Variants in ATP8A2 observed in about 807,000 individuals in gnomAD.
The protein encoded by ATP8A2 is ATPase phospholipid transporting 8A2, also known as phospholipid-transporting ATPase IB.
Under a neutral mutation model 165.6 loss-of-function variants are expected in ATP8A2, and 100 were observed. That is an observed-to-expected ratio of 0.60 (90% CI 0.51 to 0.71). The LOEUF (loss-of-function observed/expected upper bound fraction) is 0.71. Ranked by LOEUF, ATP8A2 falls within the 30% of genes least tolerant of loss-of-function variation. ATP8A2 has a pLI of 0.00. For synonymous variants in ATP8A2, 543 were observed against 548.8 expected (o/e 0.99, Z 0.15); for missense variants, 1,227 against 1,479.5 (o/e 0.83, Z 2.80).
intron 27 of ATP8A2, 126 bp from the exon 28 acceptor site, chr13:25,827,992 C>A (rs1025397772): frequency 1.4e-6 from 1 of 736,798 alleles, no homozygotes; most frequent in South Asian, 1.6e-5. Context: ...TGCTGCAGTC[C>A]CTGTGGCTCA....
At chr13:25,927,220 CT>C in intron 33 of ATP8A2, 1 of 456,754 alleles carries the variant, frequency 2.2e-6, no homozygotes, top group South Asian at 1.5e-5. Flanking sequence ...TCCTCGGCTG[CT>C]CCACACACTG....
intron 35 of ATP8A2, among the ~76,000 whole-genome samples, chr13:26,004,000 G>C (rs1956689147): frequency 6.6e-6 from 1 of 152,066 alleles, no homozygotes; most frequent in African/African-American, 2.4e-5. Context: ...TGGCTATTGA[G>C]GGTCTTTTGT....
rs1951089571 is a variant in ATP8A2 at position 25,818,807 on chromosome 13, G to T, written c.2680-9311G>T. ...CTACTGTGTGCCCACCTGTGTGCTAGATCCTAGGTGTACGATATTGAGTGG... is the reference window on the plus strand; with the variant it reads ...CTACTGTGTGCCCACCTGTGTGCTATATCCTAGGTGTACGATATTGAGTGG... On this transcript the variant is annotated intron_variant, in intron 27 of 36. Coordinates refer to ENST00000381655, the MANE Select transcript of ATP8A2 (RefSeq NM_016529.6). Among the ~76,000 whole-genome samples, 3 of 152,148 alleles carry T rather than the reference G, an allele frequency of 2.0e-5. No homozygotes were observed. The South Asian group carries it at 6.2e-4, about 31-fold the overall frequency.
At chr13:25,666,736 A>G (rs541161262) in intron 24 of ATP8A2, among the ~76,000 whole-genome samples, 1 of 152,110 alleles carries the variant, frequency 6.6e-6, no homozygotes, top group Non-Finnish European at 1.5e-5. Context: ...CTGTATATAC[A>G]TTTAACTTTG....
intron 24 of ATP8A2, among the ~76,000 whole-genome samples, chr13:25,694,387 C>G (rs576551550): frequency 6.6e-6 from 1 of 152,338 alleles, no homozygotes; most frequent in Non-Finnish European, 1.5e-5. Flanking sequence ...GATGCTCTCC[C>G]TGGGCCAAAT....
chr13:25,623,769 A>T (rs2041032837), intron 24 of ATP8A2, among the ~76,000 whole-genome samples: 1 of 152,110 alleles, frequency 6.6e-6, no homozygotes, highest in Admixed American at 6.6e-5. Context: ...GTATACGTGT[A>T]TATATACACA....
At chr13:25,597,430 A>G (rs948918128) in intron 24 of ATP8A2, among the ~76,000 whole-genome samples, 3 of 152,224 alleles carry the variant, frequency 2.0e-5, no homozygotes, top group African/African-American at 7.2e-5. Context: ...GGAGTGAGAG[A>G]CTTTTCTCCA....
At chr13:25,744,365 G>A (rs1443795509) in intron 25 of ATP8A2, among the ~76,000 whole-genome samples, 2 of 151,816 alleles carry the variant, frequency 1.3e-5, no homozygotes, top group African/African-American at 2.4e-5. Flanking sequence ...GTGAGCCGGT[G>A]GCTCAGCTGC....
chr13:25,668,775 A>G (rs2137736161), intron 24 of ATP8A2, among the ~76,000 whole-genome samples: 2 of 152,260 alleles, frequency 1.3e-5, no homozygotes, highest in South Asian at 4.1e-4. Flanking sequence ...GCATAGGAGT[A>G]TCTTCACATT....
intron 4 of ATP8A2, among the ~76,000 whole-genome samples, chr13:25,531,935 C>A (rs889289066): frequency 6.6e-6 from 1 of 152,154 alleles, no homozygotes; most frequent in African/African-American, 2.4e-5. Context: ...CTGTACACAT[C>A]GAAGCAAAGT....
chr13:25,820,040 A>T (rs1303230451), intron 27 of ATP8A2, among the ~76,000 whole-genome samples: 1 of 152,212 alleles, frequency 6.6e-6, no homozygotes, highest in African/African-American at 2.4e-5. Context: ...TAAATAGAAG[A>T]ACAGGTCATC....
chr13:25,563,806 A>C (rs1335091060), intron 15 of ATP8A2, 150 bp from the exon 16 acceptor site: 3 of 575,610 alleles, frequency 5.2e-6, no homozygotes, highest in Non-Finnish European at 9.3e-6. Context: ...GTTTAAAATA[A>C]TAATACAGAA....
chr13:25,522,723 A>G (rs565965162), intron 2 of ATP8A2, among the ~76,000 whole-genome samples: 1 of 152,292 alleles, frequency 6.6e-6, no homozygotes, highest in East Asian at 1.9e-4. Context: ...ATAGATTTGT[A>G]TATGTTGAAC....
chr13:25,747,189 G>C lies in ATP8A2; in HGVS notation c.2385-21857G>C, dbSNP rs968983267. Among the ~76,000 whole-genome samples, 30 of 152,180 alleles carry C rather than the reference G, an allele frequency of 2.0e-4. 1 individual carries two copies. Among genetic ancestry groups the C allele is most frequent in the Admixed American group, 2.0e-3 (30 of 15,280 alleles). Reference sequence around the variant, plus strand: ...GAAGGAGGGATCAGTAGAAACTTAGGTCTACCTTAGCTACAATTCATTTAT... The same window carrying C: ...GAAGGAGGGATCAGTAGAAACTTAGCTCTACCTTAGCTACAATTCATTTAT... On this transcript the variant is annotated intron_variant, in intron 25 of 36. Coordinates refer to ENST00000381655, the MANE Select transcript of ATP8A2 (RefSeq NM_016529.6).
intron 33 of ATP8A2, among the ~76,000 whole-genome samples, chr13:25,892,093 A>G (rs545822950): frequency 4.0e-4 from 60 of 151,230 alleles, no homozygotes; most frequent in African/African-American, 1.5e-3. Flanking sequence ...CTCCTGCCTC[A>G]GCCTCCCGAG....
intron 1 of ATP8A2, among the ~76,000 whole-genome samples, chr13:25,435,752 C>A (rs2034741446): frequency 6.6e-6 from 1 of 151,862 alleles, no homozygotes; most frequent in Non-Finnish European, 1.5e-5. Context: ...TATGTCCCTG[C>A]TCTTCTTCAA....
At chr13:25,398,810 G>A (rs574434851) in intron 1 of ATP8A2, among the ~76,000 whole-genome samples, 11 of 152,082 alleles carry the variant, frequency 7.2e-5, no homozygotes, top group Non-Finnish European at 4.4e-5. Flanking sequence ...AAAGAGAAGA[G>A]CATCCTTCTC....
At chr13:25,723,185 G>C (rs938585187) in intron 25 of ATP8A2, among the ~76,000 whole-genome samples, 2 of 152,186 alleles carry the variant, frequency 1.3e-5, no homozygotes, top group African/African-American at 4.8e-5. Context: ...CATAATACTT[G>C]GGAGTAGAAT....
intron 1 of ATP8A2, among the ~76,000 whole-genome samples, chr13:25,409,726 G>C (rs1427803821): frequency 6.6e-6 from 1 of 152,108 alleles, no homozygotes; most frequent in African/African-American, 2.4e-5. Flanking sequence ...TGCCAGTAGA[G>C]GTAATAGAAT....
Sources: gnomAD v4.1 joint callset for allele counts (sites outside exome capture counted in the v4.1 genomes callset) on GRCh38, gnomAD v4.1.1 for gene constraint, MANE v1.5 for transcripts, NCBI Gene and HGNC (gene_info 2026-07-23, HGNC 2026-07-21) for gene names.